Variants in GRM8 observed in about 807,000 individuals in gnomAD.
GRM8 encodes metabotropic glutamate receptor 8.
A neutral mutation model predicts 87.2 loss-of-function variants in GRM8; 47 were observed. The observed-to-expected ratio is 0.54, with a 90% CI of 0.43 to 0.69. GRM8 has a LOEUF of 0.69. Among genes scored for constraint, GRM8 ranks in the 30% least tolerant of loss-of-function variants. The pLI, the probability that GRM8 is intolerant of heterozygous loss-of-function variation, is 0.00. For missense variants in GRM8, 1,019 were observed against 1,139.2 expected (o/e 0.89, Z 1.52); for synonymous variants, 396 against 404.5 (o/e 0.98, Z 0.25).
chr7:127,023,983 G>A (rs1816524920), intron 3 of GRM8, among the ~76,000 whole-genome samples: 1 of 152,114 alleles, frequency 6.6e-6, no homozygotes, highest in South Asian at 2.1e-4. Context: ...TCTGCATGTA[G>A]GGAGGACTAT....
chr7:126,983,163 T>C (rs1020862750), intron 3 of GRM8, among the ~76,000 whole-genome samples: 2 of 152,138 alleles, frequency 1.3e-5, no homozygotes, highest in South Asian at 4.2e-4. Context: ...TGTCTCCTGG[T>C]GTTCCTCCCT....
At chr7:126,978,735 A>G (rs2131838550) in intron 3 of GRM8, among the ~76,000 whole-genome samples, 1 of 152,328 alleles carries the variant, frequency 6.6e-6, no homozygotes, top group East Asian at 1.9e-4. Flanking sequence ...AGATTCCAAT[A>G]TGTAAACATT....
intron 3 of GRM8, among the ~76,000 whole-genome samples, chr7:126,992,462 TAAC>T (rs542667330): frequency 2.8e-4 from 42 of 152,226 alleles, no homozygotes; most frequent in Non-Finnish European, 5.6e-4. Flanking sequence ...TTCTATATAT[TAAC>T]AATAGGCAAT....
rs1209280805 is a variant in GRM8, at chr7:126,903,675, GTA to G, written c.1018+295_1018+296del. On this transcript the variant is annotated intron_variant, in intron 5 of 10. Transcript: ENST00000339582. Reference sequence around the variant, plus strand: ...TATGTGTATATATATATGTATATGTGTATATATATATGTATATGTGTATATAT... The same window carrying G: ...TATGTGTATATATATATGTATATGTGTATATATATGTATATGTGTATATAT... Among the ~76,000 whole-genome samples the G allele has an allele frequency of 1.7e-3, 220 of 128,894 alleles. 3 individuals carry two copies. The highest frequency in any genetic ancestry group is 5.1e-3 in the African/African-American group (175 of 34,406). 84.6% of individuals were successfully genotyped at this position (128,894 alleles called of 152,430 possible).
At chr7:126,564,651 T>C (rs1004296415) in intron 8 of GRM8, among the ~76,000 whole-genome samples, 17 of 152,208 alleles carry the variant, frequency 1.1e-4, no homozygotes, top group African/African-American at 3.9e-4. Flanking sequence ...TTACACCAAA[T>C]ATTTAAAGAT....
At chr7:126,778,871 T>C (rs972560782) in intron 6 of GRM8, among the ~76,000 whole-genome samples, 3 of 151,858 alleles carry the variant, frequency 2.0e-5, no homozygotes, top group Non-Finnish European at 4.4e-5. Flanking sequence ...GTAATACATA[T>C]TAATACTAGA....
chr7:126,450,460 G>T (rs1802490887), intron 9 of GRM8, among the ~76,000 whole-genome samples: 1 of 151,758 alleles, frequency 6.6e-6, no homozygotes, highest in Non-Finnish European at 1.5e-5. Context: ...CATACCGTTT[G>T]ACCAGCTAGA....
chr7:126,901,956 T>A (rs543928231), intron 6 of GRM8, among the ~76,000 whole-genome samples: 2 of 150,528 alleles, frequency 1.3e-5, no homozygotes, highest in South Asian at 2.1e-4. Flanking sequence ...ATTATGCGAG[T>A]TTTTTTTCTA....
intron 7 of GRM8, among the ~76,000 whole-genome samples, chr7:126,736,627 C>T (rs1482770085): frequency 6.6e-6 from 1 of 151,990 alleles, no homozygotes; most frequent in Non-Finnish European, 1.5e-5. Context: ...ACTGTATTTC[C>T]TCTGAGGCTA....
At chr7:126,471,318 T>G (rs1300929634) in intron 9 of GRM8, among the ~76,000 whole-genome samples, 1 of 152,114 alleles carries the variant, frequency 6.6e-6, no homozygotes, top group Admixed American at 6.6e-5. Context: ...GTTTTTATGG[T>G]TTTAGGTCTA....
intron 6 of GRM8, among the ~76,000 whole-genome samples, chr7:126,778,886 T>G: frequency 6.6e-6 from 1 of 151,802 alleles, no homozygotes; most frequent in East Asian, 1.9e-4. Flanking sequence ...ACTAGAAATA[T>G]GGAAAATAAA....
At chr7:126,521,878 C>T (rs944579841) in intron 9 of GRM8, among the ~76,000 whole-genome samples, 1 of 152,140 alleles carries the variant, frequency 6.6e-6, no homozygotes, top group African/African-American at 2.4e-5. Context: ...TTCATTTCCA[C>T]ATTATTTAGC....
At chr7:127,236,183 A>T (rs972132944) in intron 2 of GRM8, among the ~76,000 whole-genome samples, 1 of 152,196 alleles carries the variant, frequency 6.6e-6, no homozygotes, top group African/African-American at 2.4e-5. Context: ...CTCTTTCAAC[A>T]ATTTTGAAAT....
At chr7:126,963,635 G>A (rs1333092740) in intron 3 of GRM8, among the ~76,000 whole-genome samples, 2 of 152,018 alleles carry the variant, frequency 1.3e-5, no homozygotes, top group African/African-American at 4.8e-5. Context: ...CCTCTTCAAG[G>A]AGAAAAACCA....
chr7:127,161,920 G>GA (rs936263153), intron 2 of GRM8, among the ~76,000 whole-genome samples: 2 of 151,766 alleles, frequency 1.3e-5, no homozygotes, highest in Admixed American at 1.3e-4. Context: ...TACTATGAGA[G>GA]AAAAAAAATT....
chr7:127,125,765 A>AAC (rs375563287), intron 2 of GRM8, among the ~76,000 whole-genome samples: 26,383 of 141,080 alleles, frequency 0.19, 2,353 homozygotes, highest in East Asian at 0.24. Context: ...CAAACAACTA[A>AAC]ACACACACAC....
At chr7:126,677,581 C>T (rs1807114845) in intron 7 of GRM8, among the ~76,000 whole-genome samples, 1 of 152,006 alleles carries the variant, frequency 6.6e-6, no homozygotes, top group Non-Finnish European at 1.5e-5. Flanking sequence ...GGCTATTATT[C>T]TAAGTAACTC....
chr7:126,697,361 C>T (rs554782949), intron 7 of GRM8, among the ~76,000 whole-genome samples: 40 of 152,132 alleles, frequency 2.6e-4, no homozygotes, highest in African/African-American at 9.4e-4. Flanking sequence ...GTATTATATA[C>T]TAGAAACTGG....
intron 7 of GRM8, among the ~76,000 whole-genome samples, chr7:126,745,645 G>T (rs1409491822): frequency 1.3e-5 from 2 of 151,486 alleles, no homozygotes; most frequent in African/African-American, 4.8e-5. Context: ...TGAATAGTTT[G>T]TCTTTTTCTT....
Sources: allele counts gnomAD v4.1 joint callset (sites outside exome capture counted in the v4.1 genomes callset), GRCh38; gene constraint gnomAD v4.1.1; transcripts MANE v1.5; gene names NCBI Gene and HGNC (gene_info 2026-07-23, HGNC 2026-07-21).